Variants in STK39 observed in about 807,000 individuals in gnomAD.
STK39 encodes STE20/SPS1-related proline-alanine-rich protein kinase.
In STK39, 20 loss-of-function variants were observed where a neutral mutation model predicts 77.8. The ratio of observed to expected loss-of-function variants is 0.26; its 90% CI spans 0.18 to 0.37. The LOEUF is 0.37. STK39 is among the 10% of genes least tolerant of loss of function. The pLI is 1.00. For missense variants in STK39, 479 were observed against 656.5 expected (o/e 0.73, Z 2.95); for synonymous variants, 246 against 234.1 (o/e 1.05, Z -0.47).
chr2:168,001,168 G>C (rs552761040), intron 16 of STK39, among the ~76,000 whole-genome samples: 1 of 151,702 alleles, frequency 6.6e-6, no homozygotes, highest in Non-Finnish European at 1.5e-5. Flanking sequence ...ATGCAGTATA[G>C]TGGGTGATTC....
At chr2:167,972,926 G>A (rs907034076) in intron 16 of STK39, among the ~76,000 whole-genome samples, 5 of 152,100 alleles carry the variant, frequency 3.3e-5, no homozygotes, top group Non-Finnish European at 5.9e-5. Context: ...TTGGGCAGCT[G>A]TTTTGCCTTC....
At chr2:168,017,442 T>C (rs1342040880) in intron 14 of STK39, among the ~76,000 whole-genome samples, 3 of 134,038 alleles carry the variant, frequency 2.2e-5, no homozygotes, top group African/African-American at 9.7e-5. Flanking sequence ...TGGAGTGCGA[T>C]GGTGTGATCT....
At chr2:168,051,162 G>A (rs1298723183) in intron 14 of STK39, among the ~76,000 whole-genome samples, 3 of 152,258 alleles carry the variant, frequency 2.0e-5, no homozygotes, top group Non-Finnish European at 4.4e-5. Flanking sequence ...TGATCAAGAG[G>A]ACAAGTCCTA....
intron 10 of STK39, among the ~76,000 whole-genome samples, chr2:168,113,985 C>T (rs1176822792): frequency 6.6e-6 from 1 of 152,214 alleles, no homozygotes; most frequent in East Asian, 1.9e-4. Flanking sequence ...CAAACAGATG[C>T]ATTCATTGTA....
chr2:168,246,406 G>T (rs940375258), intron 1 of STK39, among the ~76,000 whole-genome samples: 10 of 152,352 alleles, frequency 6.6e-5, no homozygotes, highest in Non-Finnish European at 1.2e-4. Flanking sequence ...TTTGTGAGCC[G>T]GCCAGAAGGC....
chr2:168,019,752 G>A (rs894728494), intron 14 of STK39, among the ~76,000 whole-genome samples: 2 of 152,112 alleles, frequency 1.3e-5, no homozygotes, highest in Non-Finnish European at 2.9e-5. Context: ...CTCCCAGGCT[G>A]GAATGCAGTG....
intron 1 of STK39, among the ~76,000 whole-genome samples, chr2:168,234,577 C>T (rs1387920898): frequency 1.3e-5 from 2 of 152,152 alleles, no homozygotes; most frequent in Non-Finnish European, 2.9e-5. Flanking sequence ...ACTTCCTGTT[C>T]CTCCACCTTA....
chr2:168,053,633 G>C (rs1214615280), intron 14 of STK39, among the ~76,000 whole-genome samples: 2 of 152,022 alleles, frequency 1.3e-5, no homozygotes, highest in African/African-American at 4.8e-5. Context: ...AGTTGTCAAG[G>C]AAAAAACAGT....
At chr2:167,979,345 G>A (rs1301534603) in intron 16 of STK39, among the ~76,000 whole-genome samples, 1 of 152,164 alleles carries the variant, frequency 6.6e-6, no homozygotes, top group African/African-American at 2.4e-5. Context: ...CTAACACTTA[G>A]TATGGTCAGT....
chr2:168,173,966 G>C (rs986675488), intron 2 of STK39, among the ~76,000 whole-genome samples: 11 of 152,172 alleles, frequency 7.2e-5, no homozygotes, highest in African/African-American at 2.2e-4. Flanking sequence ...ATTTTGTCTT[G>C]TACCACTTAC....
At chr2:168,024,008 A>G (rs1684636673) in intron 14 of STK39, among the ~76,000 whole-genome samples, 1 of 152,040 alleles carries the variant, frequency 6.6e-6, no homozygotes, top group Admixed American at 6.6e-5. Flanking sequence ...ATACCCACAC[A>G]CTCAATTCCT....
At chr2:168,216,887 C>G (rs941440663) in intron 1 of STK39, among the ~76,000 whole-genome samples, 1 of 152,152 alleles carries the variant, frequency 6.6e-6, no homozygotes, top group Non-Finnish European at 1.5e-5. Flanking sequence ...TTTCCCATAC[C>G]AGGAAGCTTT....
At chr2:168,186,969 TAA>T (rs747446451) in intron 1 of STK39, among the ~76,000 whole-genome samples, 3 of 152,324 alleles carry the variant, frequency 2.0e-5, no homozygotes, top group East Asian at 1.9e-4. Flanking sequence ...GTTTAAAATA[TAA>T]GAGACAATCC....
intron 1 of STK39, among the ~76,000 whole-genome samples, chr2:168,200,947 A>G (rs1457852229): frequency 2.0e-5 from 3 of 152,218 alleles, no homozygotes; most frequent in Non-Finnish European, 2.9e-5. Context: ...GACTTATTTG[A>G]CAGACATCTT....
intron 2 of STK39, 60 bp from the exon 3 acceptor site, chr2:168,167,467 A>G: frequency 6.8e-7 from 1 of 1,462,992 alleles, no homozygotes; most frequent in Non-Finnish European, 9.5e-7. Context: ...AGCAAAACAC[A>G]AGTGAATCAC....
intron 2 of STK39, among the ~76,000 whole-genome samples, chr2:168,173,457 A>G (rs192297302): frequency 1.5e-4 from 23 of 152,334 alleles, no homozygotes; most frequent in Admixed American, 4.6e-4. Context: ...CAAGGCATGG[A>G]AGAACAGGAT....
chr2:168,043,955 G>T (rs183178891), intron 14 of STK39, among the ~76,000 whole-genome samples: 2 of 152,186 alleles, frequency 1.3e-5, no homozygotes, highest in African/African-American at 4.8e-5. Flanking sequence ...AATAATAGAT[G>T]TAGGCATTAT....
At chr2:168,005,586 T>A (rs1684111224) in intron 16 of STK39, among the ~76,000 whole-genome samples, 1 of 152,216 alleles carries the variant, frequency 6.6e-6, no homozygotes, top group Admixed American at 6.5e-5. Context: ...CCTATGTGTG[T>A]CAACAATGGT....
In STK39 at chr2:168,182,095, A is replaced by T. The variant is rs777361783; in HGVS notation, c.209-5T>A. The T allele has an allele frequency of 7.4e-6, 12 of 1,612,272 alleles. No individual in the cohort carries two copies. In the East Asian group the frequency reaches 2.5e-4, roughly 33 times the overall value. On this transcript the variant is annotated splice_polypyrimidine_tract_variant and splice_region_variant and intron_variant, in intron 1 of 17. Transcript: ENST00000355999. Reference sequence around the variant, plus strand: ...CCACAGCAGTAGCTCCACTGCCTGCAATGAAATAAAAACAACATCAGCGAT... The same window carrying T: ...CCACAGCAGTAGCTCCACTGCCTGCTATGAAATAAAAACAACATCAGCGAT...
Sources: gnomAD v4.1 joint callset for allele counts (sites outside exome capture counted in the v4.1 genomes callset) on GRCh38, gnomAD v4.1.1 for gene constraint, MANE v1.5 for transcripts, NCBI Gene and HGNC (gene_info 2026-07-23, HGNC 2026-07-21) for gene names.